SLC15A1: variants seen among roughly 807,000 people sequenced by gnomAD.
SLC15A1 encodes the protein solute carrier family 15 member 1.
In SLC15A1, 83 loss-of-function variants were observed where a neutral mutation model predicts 92.9. The ratio of observed to expected loss-of-function variants is 0.89; its 90% CI spans 0.75 to 1.07. The LOEUF (loss-of-function observed/expected upper bound fraction) is 1.07, where lower values mean the gene tolerates loss of function less well. SLC15A1 is among the 50% of genes least tolerant of loss of function. The pLI, the probability that SLC15A1 is intolerant of heterozygous loss-of-function variation, is 0.00. For missense variants in SLC15A1, 857 were observed against 880.1 expected, an observed-to-expected ratio of 0.97 and a Z score of 0.33; for synonymous variants, 322 against 318.2, an observed-to-expected ratio of 1.01 and a Z score of -0.13.
chr13:98,716,196 A>G (rs551059336), intron 8 of SLC15A1, among the ~76,000 whole-genome samples: 8 of 152,334 alleles, frequency 5.3e-5, no homozygotes, highest in African/African-American at 1.9e-4. Context: ...GCCTAATATC[A>G]TCTACTTCCC....
chr13:98,704,989 G>A (rs376705050), intron 16 of SLC15A1, among the ~76,000 whole-genome samples: 20 of 151,800 alleles, frequency 1.3e-4, no homozygotes, highest in Admixed American at 2.0e-4. Flanking sequence ...TCTTGAGGAC[G>A]GGAGTTTGAG....
intron 15 of SLC15A1, among the ~76,000 whole-genome samples, chr13:98,706,636 C>T (rs1298307726): frequency 6.6e-6 from 1 of 152,194 alleles, no homozygotes; most frequent in Non-Finnish European, 1.5e-5. Flanking sequence ...ACCCCTTTCG[C>T]TTGGCTCTCT....
At chr13:98,685,385 T>C (rs2087921485) in intron 22 of SLC15A1, among the ~76,000 whole-genome samples, 1 of 152,208 alleles carries the variant, frequency 6.6e-6, no homozygotes, top group Admixed American at 6.5e-5. Flanking sequence ...CAGGAAGTCA[T>C]GAAACGGATG....
chr13:98,692,653 C>G (rs1238704624), intron 18 of SLC15A1, among the ~76,000 whole-genome samples: 1 of 152,168 alleles, frequency 6.6e-6, no homozygotes, highest in Non-Finnish European at 1.5e-5. Flanking sequence ...TGTAGTAAAA[C>G]TCTATGTTTA....
rs147741339 is a variant in SLC15A1 at position 98,726,198 on chromosome 13, T to A, written c.170A>T (p.His57Leu). 2.4e-5 allele frequency: 39 copies of A among 1,613,878 alleles called. No homozygotes were observed. The highest frequency in any genetic ancestry group is 6.7e-5 in the East Asian group (3 of 44,868). ...WDDNLSTAIY[H>L]TFVALCYLTP... is the part of the protein sequence containing the mutation. The stretch of plus-strand genomic sequence containing the variant: ...CAGGTAGCACAGAGCCACAAACGTA[T>A]GGTAGATGGCGGTGGACAGGTTATC... Residue 57 changes from histidine (H) to leucine (L), a missense_variant, in exon 4 of 23, where the codon CAT (histidine) becomes CTT (leucine). His to Leu is a moderately conservative substitution (Grantham distance 99). Transcript: ENST00000376503.
intron 7 of SLC15A1, chr13:98,721,060 A>G (rs1438405589): frequency 2.2e-6 from 1 of 458,806 alleles, no homozygotes; most frequent in Non-Finnish European, 4.5e-6. Flanking sequence ...TAAAAACAAA[A>G]CAAAACAAAC....
At chr13:98,720,049 G>A (rs1168637826) in intron 7 of SLC15A1, among the ~76,000 whole-genome samples, 2 of 152,162 alleles carry the variant, frequency 1.3e-5, no homozygotes, top group Admixed American at 6.6e-5. Flanking sequence ...TGGAATGCTG[G>A]CGCCTCCAGG....
At chr13:98,687,515 G>T in intron 21 of SLC15A1, 66 bp downstream of exon 21, 1 of 1,544,278 alleles carries the variant, frequency 6.5e-7, no homozygotes, top group Non-Finnish European at 8.8e-7. Context: ...TTTAAATTAA[G>T]TCCCATCAGC....
intron 4 of SLC15A1, among the ~76,000 whole-genome samples, chr13:98,724,351 A>C (rs1379393409): frequency 6.6e-6 from 1 of 152,130 alleles, no homozygotes; most frequent in Non-Finnish European, 1.5e-5. Flanking sequence ...AAAAAAATAA[A>C]AAATTAGTCA....
At chr13:98,688,827 T>G (rs777111432) in intron 18 of SLC15A1, among the ~76,000 whole-genome samples, 12 of 152,226 alleles carry the variant, frequency 7.9e-5, no homozygotes, top group Admixed American at 2.6e-4. Flanking sequence ...TCTAAGTACT[T>G]TGTAAATCTA....
Position 98,687,617 on chromosome 13 carries a change from G to A in SLC15A1, c.1791C>T (p.Val597=). The A allele has an allele frequency of 6.2e-7, 1 of 1,614,162 alleles. No homozygotes were observed. Among genetic ancestry groups the A allele is most frequent in the Non-Finnish European group, 8.5e-7 (1 of 1,180,016 alleles). Residue 597 remains valine (V), a synonymous_variant, in exon 21 of 23, where the codon GTC becomes GTT. Coordinates refer to ENST00000376503, the MANE Select transcript of SLC15A1 (RefSeq NM_005073.4). ...AGAATTCCAATCCCGTGACAGAGAA[G>A]ACCACTTCGCCACAGGTGAGAAGAA... ...QYFLLTCGEV[V]FSVTGLEFSY...
rs547812398 is a variant in SLC15A1, at chr13:98,744,538, T to C, written c.4+8057A>G. On this transcript the variant is annotated intron_variant, in intron 1 of 22. Coordinates refer to ENST00000376503, the MANE Select transcript of SLC15A1 (RefSeq NM_005073.4). ...GGCCGAGGCGGGCAGATCATGAGGT[T>C]AGGAAATCAAGATCAGCCTGGCCAA... 1.6e-3 allele frequency among the ~76,000 whole-genome samples: 241 copies of C among 151,550 alleles called. 1 individual carries two copies. The highest frequency in any genetic ancestry group is 4.6e-3 in the African/African-American group (192 of 41,390).
At chr13:98,750,369 C>G (rs561351030) in intron 1 of SLC15A1, among the ~76,000 whole-genome samples, 1 of 152,280 alleles carries the variant, frequency 6.6e-6, no homozygotes, top group South Asian at 2.1e-4. Context: ...CCTCGGCCTC[C>G]CAAAGTTCTG....
intron 18 of SLC15A1, among the ~76,000 whole-genome samples, chr13:98,692,863 C>G (rs1346569587): frequency 6.6e-6 from 1 of 151,914 alleles, no homozygotes; most frequent in Non-Finnish European, 1.5e-5. Context: ...CCTCCCACCT[C>G]AGCTTCCCGA....
intron 1 of SLC15A1, among the ~76,000 whole-genome samples, chr13:98,728,257 T>G (rs2088319003): frequency 6.6e-6 from 1 of 152,226 alleles, no homozygotes; most frequent in South Asian, 2.1e-4. Context: ...TACTACAGCT[T>G]TGTAGTATAT....
intron 15 of SLC15A1, among the ~76,000 whole-genome samples, chr13:98,707,381 G>A (rs1593989191): frequency 1.3e-5 from 2 of 152,292 alleles, no homozygotes; most frequent in East Asian, 3.9e-4. Context: ...TATACTAAGT[G>A]AAATTAGCCA....
chr13:98,719,298 A>G lies in SLC15A1; in HGVS notation c.579T>C (p.Ser193=), dbSNP rs1405017954. The G allele has an allele frequency of 1.2e-6, 2 of 1,613,630 alleles. No individual in the cohort carries two copies. The highest frequency in any genetic ancestry group is 8.5e-7 in the Non-Finnish European group (1 of 1,179,684). The change falls in exon 8 of 23, where the codon AGT becomes AGC. Residue 193 remains serine, a synonymous_variant. Coordinates refer to ENST00000376503, the MANE Select transcript of SLC15A1 (RefSeq NM_005073.4). ...MLRVQQCGIH[S]KQACYPLAFG... Reference sequence around the variant, plus strand: ...AGGCCAGTGGGTAACAAGCTTGTTTACTGTGAATTCCACATTGTTGAACTG... The same window carrying G: ...AGGCCAGTGGGTAACAAGCTTGTTTGCTGTGAATTCCACATTGTTGAACTG...
chr13:98,684,983 TG>T, intron 22 of SLC15A1, 68 bp from the exon 23 acceptor site: 1 of 1,363,032 alleles, frequency 7.3e-7, no homozygotes. Flanking sequence ...GATGAATATA[TG>T]GTGCGTACAT....
At position 98,726,146 on chromosome 13, in the gene SLC15A1, G is replaced by A. The variant is rs779790556; in HGVS notation, c.222C>T (p.Ala74=). The A allele has an allele frequency of 4.5e-5, 72 of 1,613,964 alleles. No individual in the cohort carries two copies. In the East Asian group the frequency reaches 6.2e-4, roughly 14 times the overall value. Residue 74 remains alanine, a synonymous_variant, in exon 4 of 23, where the codon GCC becomes GCT. Transcript: ENST00000376503. ...YLTPILGALI[A]DSWLGKFKTI... ...ACTTGAACTTTCCCAGCCACGAGTC[G>A]GCGATAAGAGCTCCGAGAATTGGCG...
Sources: gnomAD v4.1 joint callset for allele counts (sites outside exome capture counted in the v4.1 genomes callset) on GRCh38, gnomAD v4.1.1 for gene constraint, MANE v1.5 for transcripts, NCBI Gene and HGNC (gene_info 2026-07-23, HGNC 2026-07-21) for gene names.